The following C22orf23 variants were observed in gnomAD, a reference collection of about 807,000 sequenced individuals.
The protein encoded by C22orf23 is chromosome 22 open reading frame 23, also known as UPF0193 protein EVG1.
Under a neutral mutation model 29.7 loss-of-function variants are expected in C22orf23, and 30 were observed. The ratio of observed to expected loss-of-function variants is 1.01; its 90% CI spans 0.76 to 1.37. The LOEUF is 1.37. Among genes scored for constraint, C22orf23 ranks in the 40% most tolerant of loss-of-function variants. C22orf23 has a pLI of 0.00. For missense variants in C22orf23, 237 were observed against 273.1 expected, an observed-to-expected ratio of 0.87 and a Z score of 0.93; for synonymous variants, 90 against 96.1, an observed-to-expected ratio of 0.94 and a Z score of 0.37.
chr22:37,951,791 C>CTCTTTTTTT (rs1931031899), intron 2 of C22orf23: 1 of 99,296 alleles, frequency 1.0e-5, no homozygotes, highest in Non-Finnish European at 2.1e-5. Context: ...ATTTTTTCCT[C>CTCTTTTTTT]TTTCTCTTTT....
In C22orf23 at chr22:37,946,438, G is replaced by T. The variant is rs372460147; in HGVS notation, c.349+843C>A. 2.0e-5 allele frequency among the ~76,000 whole-genome samples: 3 copies of T among 151,828 alleles called. No homozygotes were observed. In the East Asian group the frequency reaches 5.8e-4, roughly 29 times the overall value. ...GAGACTCCGTCTCAAAAAAAGCTGG[G>T]TGTGGGGAACACCTGTGGTCCCAGC... is the stretch of plus-strand genomic sequence containing the variant. On this transcript the variant is annotated intron_variant, in intron 4 of 6. Transcript: ENST00000403305.
chr22:37,944,558 C>T (rs780278359), intron 5 of C22orf23, 41 bp from the exon 6 acceptor site: 1 of 1,558,456 alleles, frequency 6.4e-7, no homozygotes, highest in East Asian at 2.3e-5. Context: ...ATGAGGGATG[C>T]AGGCAGCGGG....
In C22orf23 at chr22:37,943,285, T is replaced by C. The variant is rs1930509527; in HGVS notation, c.*890A>G. On this transcript the variant is annotated 3_prime_UTR_variant, in exon 7 of 7. Coordinates refer to ENST00000403305, the MANE Select transcript of C22orf23 (RefSeq NM_032561.5). ...CTCCTTCCCAGCAGGGCCTCGCAGA[T>C]GCACAAGCACGGAGCTGGTGGGTTT... The C allele has an allele frequency of 6.6e-6, 1 of 152,170 alleles. No homozygotes were observed. The highest frequency in any genetic ancestry group is 2.1e-4 in the South Asian group (1 of 4,828). The allele number at this position is 152,170 out of a possible 1,614,324, so 9.4% of individuals were successfully genotyped here.
intron 5 of C22orf23, 71 bp from the exon 6 acceptor site, chr22:37,944,588 G>C: frequency 7.5e-7 from 1 of 1,334,286 alleles, no homozygotes; most frequent in South Asian, 1.2e-5. Context: ...TTGAGGAGAG[G>C]AAGTGGTTCT....
chr22:37,944,786 C>T, intron 5 of C22orf23: 1 of 572,056 alleles, frequency 1.7e-6, no homozygotes, highest in Non-Finnish European at 3.1e-6. Flanking sequence ...GTAATCCCAG[C>T]TACTCAGGTG....
intron 4 of C22orf23, among the ~76,000 whole-genome samples, chr22:37,945,497 T>C (rs1052344557): frequency 5.9e-4 from 81 of 137,410 alleles, no homozygotes; most frequent in Middle Eastern, 3.5e-3. Flanking sequence ...TTTTCTTCTT[T>C]TTTTTTTTTT....
intron 3 of C22orf23, among the ~76,000 whole-genome samples, chr22:37,949,874 A>G (rs914252699): frequency 1.3e-5 from 2 of 151,814 alleles, no homozygotes; most frequent in Non-Finnish European, 2.9e-5. Context: ...CACACACCCA[A>G]AAATTTTGCT....
intron 6 of C22orf23, 84 bp from the exon 7 acceptor site, chr22:37,944,330 T>C: frequency 3.7e-6 from 6 of 1,613,358 alleles, no homozygotes; most frequent in Non-Finnish European, 5.1e-6. Flanking sequence ...GCCTGACCCC[T>C]GAACCCTGCC....
At position 37,944,225 on chromosome 22, in the gene C22orf23, T is replaced by C. The variant is rs1248287216; in HGVS notation, c.604A>G (p.Ile202Val). The change falls in exon 7 of 7, where the codon ATT becomes GTT. Residue 202 changes from isoleucine (I) to valine (V), a missense_variant. Coordinates refer to ENST00000403305, the MANE Select transcript of C22orf23 (RefSeq NM_032561.5). ...AGTTCCTCACTCCTTCTGTGGTCAA[T>C]GTCTTCCATTTCCCGGAGTTTCTGC... ...ISQKLREMEDIDHRRSEELRK... is the reference protein window; with the variant it reads ...ISQKLREMEDVDHRRSEELRK... 3 of 1,614,254 alleles carry C rather than the reference T, an allele frequency of 1.9e-6. No individual in the cohort carries two copies. In the East Asian group the frequency reaches 6.7e-5, roughly 36 times the overall value.
chr22:37,952,296 A>T (rs1459939377), intron 2 of C22orf23, among the ~76,000 whole-genome samples: 2 of 152,122 alleles, frequency 1.3e-5, no homozygotes, highest in African/African-American at 4.8e-5. Flanking sequence ...TGCCTGATGA[A>T]ATTCATGATC....
rs1930767726 is a variant in C22orf23, at chr22:37,947,454, G to A, written c.176C>T (p.Ala59Val). The change falls in exon 4 of 7, where the codon GCT (alanine) becomes GTT (valine). Residue 59 changes from alanine (A) to valine (V), a missense_variant. Coordinates refer to ENST00000403305, the MANE Select transcript of C22orf23 (RefSeq NM_032561.5). ...HIMDIMKRGDALPLQCSPTSS... is the reference protein window; with the variant it reads ...HIMDIMKRGDVLPLQCSPTSS... ...TGTTGGGCTGCACTGTAGGGGCAAAGCATCTCCTCCTGGGGAACGAAGAGT... is the reference window on the plus strand; with the variant it reads ...TGTTGGGCTGCACTGTAGGGGCAAAACATCTCCTCCTGGGGAACGAAGAGT... 1.3e-6 allele frequency: 2 copies of A among 1,521,346 alleles called. No individual in the cohort carries two copies. The highest frequency in any genetic ancestry group is 1.9e-5 in the Admixed American group (1 of 53,542). 94.2% of individuals were successfully genotyped at this position (1,521,346 alleles called of 1,614,324 possible).
intron 1 of C22orf23, 127 bp from the exon 2 acceptor site, chr22:37,953,285 T>C (rs1203205482): frequency 1.6e-6 from 1 of 644,958 alleles, no homozygotes; most frequent in East Asian, 2.7e-5. Flanking sequence ...CCAGTTAATA[T>C]TGCGACAGTG....
chr22:37,951,419 A>G, intron 3 of C22orf23, 41 bp downstream of exon 3: 1 of 1,562,000 alleles, frequency 6.4e-7, no homozygotes, highest in Non-Finnish European at 8.8e-7. Context: ...GTGTGGCCCC[A>G]GATCCCTCTG....
At chr22:37,945,565 G>A (rs1251017553) in intron 4 of C22orf23, among the ~76,000 whole-genome samples, 1 of 149,556 alleles carries the variant, frequency 6.7e-6, no homozygotes, top group Non-Finnish European at 1.5e-5. Context: ...TACAATTTCG[G>A]CTCACTGCAA....
Position 37,944,493 on chromosome 22 carries a change from TTCCTC to T in C22orf23, c.501_505del (p.Lys169IlefsTer4). On this transcript the variant is annotated frameshift_variant, in exon 6 of 7. Coordinates refer to ENST00000403305, the MANE Select transcript of C22orf23 (RefSeq NM_032561.5). LOFTEE classifies it high-confidence loss of function. ...GGCCTCCATGTCAGCCAGGAATTCT[TTCCTC>T]TCCTGGATTTCCTTCACCACTGGAC... is the stretch of plus-strand genomic sequence containing the variant. 7.4e-6 allele frequency: 12 copies of T among 1,614,116 alleles called. No individual in the cohort carries two copies. Among genetic ancestry groups the T allele is most frequent in the Non-Finnish European group, 1.0e-5 (12 of 1,180,042 alleles).
At chr22:37,946,815 AG>A (rs1930726634) in intron 4 of C22orf23, among the ~76,000 whole-genome samples, 1 of 151,024 alleles carries the variant, frequency 6.6e-6, no homozygotes, top group Non-Finnish European at 1.5e-5. Flanking sequence ...CGGAGGTTAC[AG>A]TGAGCCGAGA....
At chr22:37,949,596 C>G (rs1930899322) in intron 3 of C22orf23, among the ~76,000 whole-genome samples, 1 of 151,510 alleles carries the variant, frequency 6.6e-6, no homozygotes, top group South Asian at 2.1e-4. Context: ...GTAGCTGGGA[C>G]TACAGGCCCG....
At chr22:37,944,365 G>A (rs553210728) in intron 6 of C22orf23, 52 bp downstream of exon 6, 234 of 1,613,326 alleles carry the variant, frequency 1.5e-4, no homozygotes, top group Non-Finnish European at 1.9e-4. Context: ...ATTTCCATTC[G>A]CACTTGGCGC....
intron 5 of C22orf23, chr22:37,944,823 C>A: frequency 1.7e-6 from 1 of 590,268 alleles, no homozygotes; most frequent in African/African-American, 1.9e-5. Flanking sequence ...TTGCTTGAAC[C>A]TGGGAAGTGG....
Sources: allele counts gnomAD v4.1 joint callset (sites outside exome capture counted in the v4.1 genomes callset), GRCh38; gene constraint gnomAD v4.1.1; transcripts MANE v1.5; gene names NCBI Gene and HGNC (gene_info 2026-07-23, HGNC 2026-07-21).